LRRC58: variants seen among roughly 807,000 people sequenced by gnomAD.
LRRC58 encodes the protein leucine rich repeat containing 58.
A neutral mutation model predicts 30.6 loss-of-function variants in LRRC58; 18 were observed. The observed-to-expected ratio is 0.59, with a 90% CI of 0.41 to 0.87. The LOEUF is 0.87. Ranked by LOEUF, LRRC58 falls within the 40% of genes least tolerant of loss-of-function variation. The probability of loss-of-function intolerance (pLI) is 0.00; values close to 1 mark genes in which losing one functional copy is unlikely to be tolerated. For synonymous variants in LRRC58, 221 were observed against 206.0 expected, an observed-to-expected ratio of 1.07 and a Z score of -0.62; for missense variants, 420 against 468.4, an observed-to-expected ratio of 0.90 and a Z score of 0.95.
chr3:120,339,599 A>G (rs1935878012), intron 1 of LRRC58, among the ~76,000 whole-genome samples: 1 of 152,166 alleles, frequency 6.6e-6, no homozygotes, highest in African/African-American at 2.4e-5. Context: ...TTTCCTTGGC[A>G]CTACGAAGAT....
chr3:120,335,885 G>A lies in LRRC58; in HGVS notation c.569C>T (p.Ser190Phe). 6.2e-7 allele frequency: 1 copy of A among 1,604,220 alleles called. No homozygotes were observed. Among genetic ancestry groups the A allele is most frequent in the Non-Finnish European group, 8.5e-7 (1 of 1,171,328 alleles). ...GTCACATAATACCAAATAATTCAGA[G>A]AAGGCAGATTTCCTAATTCTGGTGG... Reference protein sequence around the residue: ...EIPPELGNLPSLNYLVLCDNK... With the variant: ...EIPPELGNLPFLNYLVLCDNK... The change falls in exon 2 of 4, where the codon TCT becomes TTT. Residue 190 changes from serine to phenylalanine, a missense_variant. Transcript: ENST00000295628.
At chr3:120,336,812 AG>A (rs1194751758) in intron 1 of LRRC58, among the ~76,000 whole-genome samples, 4 of 149,468 alleles carry the variant, frequency 2.7e-5, no homozygotes, top group Non-Finnish European at 5.9e-5. Context: ...AGGGGGTAGC[AG>A]GATCAGTTCT....
intron 1 of LRRC58, among the ~76,000 whole-genome samples, chr3:120,347,958 G>A (rs1935994577): frequency 6.6e-6 from 1 of 151,990 alleles, no homozygotes; most frequent in Non-Finnish European, 1.5e-5. Context: ...TGTAAACAAG[G>A]AATCATATCC....
rs1434245942 is a variant in LRRC58, at chr3:120,324,582, G to A, written c.*6618C>T. 2.6e-5 allele frequency: 4 copies of A among 152,104 alleles called. No homozygotes were observed. Among genetic ancestry groups the A allele is most frequent in the Admixed American group, 6.5e-5 (1 of 15,276 alleles). 9.4% of individuals were successfully genotyped at this position (152,104 alleles called of 1,614,324 possible). On this transcript the variant is annotated 3_prime_UTR_variant, in exon 4 of 4. Transcript: ENST00000295628. ...ATCAGGCAAATATCAACATTATAGA[G>A]ACTTTAATATAGAACTGGATTCCAA...
At position 120,330,161 on chromosome 3, in the gene LRRC58, T is replaced by C. The variant is rs1238535258; in HGVS notation, c.*1039A>G. The C allele has an allele frequency of 6.6e-6, 1 of 152,090 alleles. No individual in the cohort carries two copies. The highest frequency in any genetic ancestry group is 1.9e-4 in the East Asian group (1 of 5,192). 9.4% of individuals were successfully genotyped at this position (152,090 alleles called of 1,614,324 possible). A position where few individuals can be genotyped will look rare whatever the true frequency, so the allele number is the denominator to read the frequency against. On this transcript the variant is annotated 3_prime_UTR_variant, in exon 4 of 4. Transcript: ENST00000295628. ...GAGAAAGATGGTCCAGTACATGACA[T>C]GGGTGAGAGTCATATTTTTTCCCTA...
At chr3:120,342,825 T>C (rs1216173807) in intron 1 of LRRC58, among the ~76,000 whole-genome samples, 1 of 152,206 alleles carries the variant, frequency 6.6e-6, no homozygotes, top group Non-Finnish European at 1.5e-5. Context: ...GTGAGAAGAC[T>C]GCAGTCTATG....
intron 1 of LRRC58, among the ~76,000 whole-genome samples, chr3:120,344,332 C>G (rs1935941478): frequency 6.6e-6 from 1 of 152,116 alleles, no homozygotes; most frequent in South Asian, 2.1e-4. Flanking sequence ...CAAATAGATG[C>G]ATCATCTCTT....
At position 120,342,802 on chromosome 3, in the gene LRRC58, A is replaced by T. The variant is rs922035504; in HGVS notation, c.500+5942T>A. On this transcript the variant is annotated intron_variant, in intron 1 of 3. Coordinates refer to ENST00000295628, the MANE Select transcript of LRRC58 (RefSeq NM_001099678.2). Reference sequence around the variant, plus strand: ...TCAACATCCCAGAGATCCCGTAACAATGTGAGGCCACAGTGAGAAGACTGC... The same window carrying T: ...TCAACATCCCAGAGATCCCGTAACATTGTGAGGCCACAGTGAGAAGACTGC... Among the ~76,000 whole-genome samples, 4 of 152,216 alleles carry T rather than the reference A, an allele frequency of 2.6e-5. No homozygotes were observed. In the East Asian group the frequency reaches 7.7e-4, roughly 29 times the overall value.
rs1406422909 is a variant in LRRC58, at chr3:120,331,105, T to G, written c.*95A>C. The G allele has an allele frequency of 9.6e-7, 1 of 1,045,698 alleles. No homozygotes were observed. Among genetic ancestry groups the G allele is most frequent in the Admixed American group, 2.0e-5 (1 of 50,336 alleles). 64.8% of individuals were successfully genotyped at this position (1,045,698 alleles called of 1,614,324 possible). ...CAGACTCTTTGATGAACACTTAAGATGAAGATAAGATTTCTAGTGAACTTC... is the reference window on the plus strand; with the variant it reads ...CAGACTCTTTGATGAACACTTAAGAGGAAGATAAGATTTCTAGTGAACTTC... On this transcript the variant is annotated 3_prime_UTR_variant, in exon 4 of 4. Transcript: ENST00000295628.
rs2107630007 is a variant in LRRC58 at position 120,349,152 on chromosome 3, T to C, written c.92A>G (p.Glu31Gly). ...LSVSTETLES[E>G]LEARGEERRG... ...CCGCTCCTCCCCCCGCGCCTCCAGC[T>C]CAGACTCCAGCGTCTCGGTGGACAC... Residue 31 changes from glutamate (E) to glycine (G), a missense_variant, in exon 1 of 4, where the codon GAG (glutamate) becomes GGG (glycine). By Grantham distance (98) the Glu-to-Gly change is moderately conservative (BLOSUM62 -2). Transcript: ENST00000295628. 1.3e-6 allele frequency: 2 copies of C among 1,501,254 alleles called. No individual in the cohort carries two copies. Among genetic ancestry groups the C allele is most frequent in the East Asian group, 2.8e-5 (1 of 36,054 alleles). The allele number at this position is 1,501,254 out of a possible 1,614,324, so 93.0% of individuals were successfully genotyped here.
At chr3:120,343,937 G>T (rs1020768094) in intron 1 of LRRC58, among the ~76,000 whole-genome samples, 1 of 152,170 alleles carries the variant, frequency 6.6e-6, no homozygotes, top group African/African-American at 2.4e-5. Flanking sequence ...TACTTGGGAG[G>T]CTGAGGCAGG....
intron 1 of LRRC58, among the ~76,000 whole-genome samples, chr3:120,344,739 C>A (rs1266838568): frequency 1.3e-5 from 2 of 152,156 alleles, no homozygotes; most frequent in Admixed American, 6.5e-5. Context: ...GCCAAACAAT[C>A]CAGAAGCTTT....
Position 120,332,947 on chromosome 3 carries a change from G to A in LRRC58, c.908-1539C>T, listed in dbSNP as rs527816340. 9.2e-5 allele frequency among the ~76,000 whole-genome samples: 14 copies of A among 151,980 alleles called. No individual in the cohort carries two copies. In the South Asian group the frequency reaches 2.5e-3, roughly 27 times the overall value. ...ATATTTTTTGTAGAGATGGGGTCTC[G>A]CTATGTTGCCTAGGCTGGTCTCAAA... is the stretch of plus-strand genomic sequence containing the variant. On this transcript the variant is annotated intron_variant, in intron 3 of 3. Transcript: ENST00000295628.
chr3:120,338,299 T>C (rs1935860842), intron 1 of LRRC58, among the ~76,000 whole-genome samples: 1 of 152,212 alleles, frequency 6.6e-6, no homozygotes, highest in African/African-American at 2.4e-5. Flanking sequence ...AATCTTGCAG[T>C]TTCTTCCTTT....
At chr3:120,344,999 T>C (rs897002566) in intron 1 of LRRC58, among the ~76,000 whole-genome samples, 1 of 152,192 alleles carries the variant, frequency 6.6e-6, no homozygotes, top group Non-Finnish European at 1.5e-5. Context: ...CACAACCGCA[T>C]GGTTCACATT....
At chr3:120,347,254 A>G (rs1008772112) in intron 1 of LRRC58, among the ~76,000 whole-genome samples, 4 of 152,202 alleles carry the variant, frequency 2.6e-5, no homozygotes, top group Non-Finnish European at 5.9e-5. Flanking sequence ...GTAAATGAAG[A>G]GACATCTTGC....
chr3:120,337,634 C>CA (rs1418655877), intron 1 of LRRC58, among the ~76,000 whole-genome samples: 1 of 152,018 alleles, frequency 6.6e-6, no homozygotes, highest in Non-Finnish European at 1.5e-5. Context: ...GTTAACTGAG[C>CA]AAATTTTTTT....
At chr3:120,347,893 A>T (rs1434819169) in intron 1 of LRRC58, among the ~76,000 whole-genome samples, 1 of 152,122 alleles carries the variant, frequency 6.6e-6, no homozygotes, top group Non-Finnish European at 1.5e-5. Context: ...GCTTCCTCCT[A>T]AAGTTAAATT....
At chr3:120,340,595 G>T (rs1362886509) in intron 1 of LRRC58, among the ~76,000 whole-genome samples, 1 of 152,036 alleles carries the variant, frequency 6.6e-6, no homozygotes, top group African/African-American at 2.4e-5. Context: ...AATACATTAG[G>T]TCAGGTGCAG....
Sources: gnomAD v4.1 joint callset for allele counts (sites outside exome capture counted in the v4.1 genomes callset) on GRCh38, gnomAD v4.1.1 for gene constraint, MANE v1.5 for transcripts, NCBI Gene and HGNC (gene_info 2026-07-23, HGNC 2026-07-21) for gene names.